Variants in WLS observed in about 807,000 individuals in gnomAD.
WLS encodes Wnt ligand secretion mediator.
Under a neutral mutation model 62.8 loss-of-function variants are expected in WLS, and 23 were observed. The observed-to-expected ratio is 0.37, with a 90% confidence interval of 0.26 to 0.52. The LOEUF (loss-of-function observed/expected upper bound fraction) is 0.52, where lower values mean the gene tolerates loss of function less well. WLS is among the 20% of genes least tolerant of loss of function. The probability of loss-of-function intolerance (pLI) is 0.92; values close to 1 mark genes in which losing one functional copy is unlikely to be tolerated. For synonymous variants in WLS, 246 were observed against 244.1 expected (o/e 1.01, Z -0.07); for missense variants, 615 against 697.3 (o/e 0.88, Z 1.33).
At chr1:68,173,037 C>A (rs1297421441) in intron 2 of WLS, among the ~76,000 whole-genome samples, 1 of 152,184 alleles carries the variant, frequency 6.6e-6, no homozygotes, top group Non-Finnish European at 1.5e-5. Context: ...CCTAAGGAAA[C>A]TGAGGCCCAC....
At chr1:68,163,641 A>T (rs999358735) in intron 2 of WLS, among the ~76,000 whole-genome samples, 1 of 151,744 alleles carries the variant, frequency 6.6e-6, no homozygotes, top group African/African-American at 2.4e-5. Flanking sequence ...GAGGAAAAAA[A>T]AAAAAAAAGC....
intron 11 of WLS, among the ~76,000 whole-genome samples, chr1:68,118,383 CCT>C (rs1390469286): frequency 2.0e-5 from 3 of 152,188 alleles, no homozygotes; most frequent in Admixed American, 2.0e-4. Flanking sequence ...CGGGCCACAG[CCT>C]CTCTCATTCT....
At chr1:68,203,477 G>T (rs1649133914) in intron 1 of WLS, among the ~76,000 whole-genome samples, 1 of 152,230 alleles carries the variant, frequency 6.6e-6, no homozygotes, top group Non-Finnish European at 1.5e-5. Context: ...CTCAAAGGGA[G>T]CCAGCAAGAT....
rs375013107 is a variant in WLS at position 68,168,103 on chromosome 1, A to G, written c.380-8856T>C. 5.8e-4 allele frequency among the ~76,000 whole-genome samples: 89 copies of G among 152,270 alleles called. 1 individual carries two copies. The East Asian group carries it at 0.012, about 20-fold the overall frequency. On this transcript the variant is annotated intron_variant, in intron 2 of 11. Transcript: ENST00000262348. ...GGCAAGTACCTTCTATAAGCCAGAAATGGTGGGAGGGGGGTGCTAGAAATC... is the reference window on the plus strand; with the variant it reads ...GGCAAGTACCTTCTATAAGCCAGAAGTGGTGGGAGGGGGGTGCTAGAAATC...
At chr1:68,145,162 G>C (rs946757738) in intron 9 of WLS, among the ~76,000 whole-genome samples, 6 of 152,188 alleles carry the variant, frequency 3.9e-5, no homozygotes, top group South Asian at 2.1e-4. Flanking sequence ...TTTCAGAGAG[G>C]GAGGCCTATT....
At chr1:68,138,233 A>C in intron 10 of WLS, 1 of 336,752 alleles carries the variant, frequency 3.0e-6, no homozygotes, top group Non-Finnish European at 5.5e-6. Context: ...AAGTTAAACA[A>C]ACTGTGTTTG....
At chr1:68,162,750 C>T (rs1402403769) in intron 2 of WLS, 5 of 1,125,362 alleles carry the variant, frequency 4.4e-6, no homozygotes, top group Non-Finnish European at 6.7e-6. Context: ...CGCTGGCAGC[C>T]TTGATGTCCA....
chr1:68,170,671 T>C (rs188538397), intron 2 of WLS, among the ~76,000 whole-genome samples: 79 of 151,810 alleles, frequency 5.2e-4, no homozygotes, highest in African/African-American at 1.8e-3. Flanking sequence ...CCCCCAGATT[T>C]ACTCTTGCCT....
At chr1:68,165,243 C>G (rs1369442108) in intron 2 of WLS, among the ~76,000 whole-genome samples, 2 of 152,112 alleles carry the variant, frequency 1.3e-5, no homozygotes, top group Non-Finnish European at 2.9e-5. Context: ...GCAACACTAG[C>G]CTTAGACACA....
At chr1:68,106,956 A>T (rs1422336512) in intron 11 of WLS, among the ~76,000 whole-genome samples, 1 of 152,340 alleles carries the variant, frequency 6.6e-6, no homozygotes, top group East Asian at 1.9e-4. Flanking sequence ...CTAAGTCGGT[A>T]TGCATTTGAA....
At position 68,155,149 on chromosome 1, in the gene WLS, T is replaced by G; in HGVS notation, c.616A>C (p.Lys206Gln). The change falls in exon 4 of 12, where the codon AAG becomes CAG. Residue 206 changes from lysine (K) to glutamine (Q), a missense_variant. Transcript: ENST00000262348. Reference sequence around the variant, plus strand: ...CCAATTCCCACATTGATTTTCTTCTTCTCATTCACAGGCAGCCGGATGTTT... The same window carrying G: ...CCAATTCCCACATTGATTTTCTTCTGCTCATTCACAGGCAGCCGGATGTTT... ...LLNIRLPVNEKKKINVGIGEI... is the reference protein window; with the variant it reads ...LLNIRLPVNEQKKINVGIGEI... 1 of 1,613,998 alleles carries G rather than the reference T, an allele frequency of 6.2e-7. No individual in the cohort carries two copies. The highest frequency in any genetic ancestry group is 1.1e-5 in the South Asian group (1 of 91,062).
At chr1:68,143,034 C>T (rs1265714523) in intron 10 of WLS, among the ~76,000 whole-genome samples, 1 of 151,940 alleles carries the variant, frequency 6.6e-6, no homozygotes, top group Non-Finnish European at 1.5e-5. Flanking sequence ...TGTAATATAC[C>T]TGTAGCATCT....
At chr1:68,222,218 G>C (rs1649970941) in intron 1 of WLS, among the ~76,000 whole-genome samples, 1 of 152,164 alleles carries the variant, frequency 6.6e-6, no homozygotes, top group African/African-American at 2.4e-5. Context: ...CGTGGTTTTG[G>C]TGTGTGTTTT....
intron 2 of WLS, among the ~76,000 whole-genome samples, chr1:68,176,136 A>G (rs1273162846): frequency 6.6e-6 from 1 of 152,258 alleles, no homozygotes; most frequent in Non-Finnish European, 1.5e-5. Flanking sequence ...GATTCCTGCC[A>G]ACAGAGAAGC....
intron 2 of WLS, among the ~76,000 whole-genome samples, chr1:68,161,564 T>C (rs1185980730): frequency 2.0e-5 from 3 of 152,316 alleles, no homozygotes; most frequent in South Asian, 4.1e-4. Context: ...CATCCTAGTC[T>C]TTCAGCGCTT....
intron 11 of WLS, among the ~76,000 whole-genome samples, chr1:68,115,810 C>T (rs1310925959): frequency 1.3e-5 from 2 of 152,136 alleles, no homozygotes; most frequent in Non-Finnish European, 2.9e-5. Flanking sequence ...TGAGGTTAGG[C>T]ATAATTTTTT....
Position 68,163,972 on chromosome 1 carries a change from CAG to C in WLS, c.380-4727_380-4726del, listed in dbSNP as rs1570929333. 2.6e-5 allele frequency among the ~76,000 whole-genome samples: 4 copies of C among 152,274 alleles called. No homozygotes were observed. The East Asian group carries it at 7.7e-4, about 29-fold the overall frequency. On this transcript the variant is annotated intron_variant, in intron 2 of 11. Coordinates refer to ENST00000262348, the MANE Select transcript of WLS (RefSeq NM_024911.7). ...CTACGGTGGCTTAAAGCTGACATGG[CAG>C]CATGGCAGATCCCTGGTTCTCAGAA...
intron 2 of WLS, among the ~76,000 whole-genome samples, chr1:68,173,251 C>T (rs967196433): frequency 1.3e-5 from 2 of 152,198 alleles, no homozygotes; most frequent in African/African-American, 4.8e-5. Flanking sequence ...CAGCACTTTC[C>T]TATTTGACCA....
Position 68,125,395 on chromosome 1 carries a change from A to G in WLS, c.*831T>C, listed in dbSNP as rs959232273. Reference sequence around the variant, plus strand: ...CAGGAGGGGATATGCATGTACACATATGCATATACATACAGGTTTATTTAA... The same window carrying G: ...CAGGAGGGGATATGCATGTACACATGTGCATATACATACAGGTTTATTTAA... On this transcript the variant is annotated 3_prime_UTR_variant, in exon 12 of 12. Transcript: ENST00000262348. 6.1e-6 allele frequency: 6 copies of G among 985,308 alleles called. No individual in the cohort carries two copies. Among genetic ancestry groups the G allele is most frequent in the Non-Finnish European group, 7.2e-6 (6 of 829,942 alleles). The allele number at this position is 985,308 out of a possible 1,614,324, so 61.0% of individuals were successfully genotyped here. A position where few individuals can be genotyped will look rare whatever the true frequency, so the allele number is the denominator to read the frequency against.
Sources: allele counts gnomAD v4.1 joint callset (sites outside exome capture counted in the v4.1 genomes callset), GRCh38; gene constraint gnomAD v4.1.1; transcripts MANE v1.5; gene names NCBI Gene and HGNC (gene_info 2026-07-23, HGNC 2026-07-21).